SHROOM3: variants seen among roughly 807,000 people sequenced by gnomAD.
The protein encoded by SHROOM3 is shroom family member 3.
In SHROOM3, 47 loss-of-function variants were observed where a neutral mutation model predicts 138.6. The observed-to-expected ratio is 0.34, with a 90% CI of 0.27 to 0.43. The LOEUF is 0.43. Among genes scored for constraint, SHROOM3 ranks in the 20% least tolerant of loss-of-function variants. SHROOM3 has a pLI of 1.00. For synonymous variants in SHROOM3, 1,062 were observed against 1,063.3 expected, an observed-to-expected ratio of 1.00 and a Z score of 0.02; for missense variants, 2,491 against 2,596.5, an observed-to-expected ratio of 0.96 and a Z score of 0.88.
chr4:76,594,523 G>A (rs1285554111), intron 2 of SHROOM3, among the ~76,000 whole-genome samples: 1 of 152,208 alleles, frequency 6.6e-6, no homozygotes, highest in African/African-American at 2.4e-5. Flanking sequence ...ACTTTGAAAA[G>A]TTAAAAAACA....
chr4:76,490,961 G>T (rs1235307039), intron 1 of SHROOM3, among the ~76,000 whole-genome samples: 2 of 152,142 alleles, frequency 1.3e-5, no homozygotes, highest in Non-Finnish European at 2.9e-5. Context: ...TTGGAATAAG[G>T]CTTTGGAATA....
chr4:76,570,184 C>CACACAT (rs1491478294), intron 2 of SHROOM3, among the ~76,000 whole-genome samples: 1 of 151,532 alleles, frequency 6.6e-6, no homozygotes, highest in African/African-American at 2.4e-5. Context: ...CACACACACA[C>CACACAT]GCACACCAGT....
intron 3 of SHROOM3, among the ~76,000 whole-genome samples, chr4:76,728,066 C>T (rs538100819): frequency 1.3e-5 from 2 of 152,132 alleles, no homozygotes; most frequent in South Asian, 2.1e-4. Context: ...CAGCCTCCTA[C>T]TCAGGATGCT....
At chr4:76,682,222 AG>A (rs1719220251) in intron 2 of SHROOM3, among the ~76,000 whole-genome samples, 1 of 152,192 alleles carries the variant, frequency 6.6e-6, no homozygotes, top group Non-Finnish European at 1.5e-5. Context: ...AGAAAGATGA[AG>A]GTTACTGGAA....
intron 2 of SHROOM3, among the ~76,000 whole-genome samples, chr4:76,621,470 G>A (rs1043094550): frequency 6.6e-6 from 1 of 152,192 alleles, no homozygotes; most frequent in African/African-American, 2.4e-5. Flanking sequence ...GCAAACTTGG[G>A]CTATTGAGCC....
intron 4 of SHROOM3, 138 bp downstream of exon 4, chr4:76,731,073 C>A: frequency 1.7e-6 from 2 of 1,179,406 alleles, no homozygotes; most frequent in South Asian, 1.3e-5. Flanking sequence ...CACTGCTTTT[C>A]TCATCCTCTT....
chr4:76,471,562 C>T (rs1331755886), intron 1 of SHROOM3, among the ~76,000 whole-genome samples: 1 of 152,148 alleles, frequency 6.6e-6, no homozygotes, highest in African/African-American at 2.4e-5. Context: ...TTCTTTAAGA[C>T]CACATGCTTT....
chr4:76,438,449 A>C (rs1276021234), intron 1 of SHROOM3, among the ~76,000 whole-genome samples: 8 of 152,202 alleles, frequency 5.3e-5, no homozygotes, highest in Non-Finnish European at 5.9e-5. Flanking sequence ...ATTAAAGGTA[A>C]CTAAAATGAA....
At chr4:76,482,265 C>G (rs1440895463) in intron 1 of SHROOM3, among the ~76,000 whole-genome samples, 4 of 152,182 alleles carry the variant, frequency 2.6e-5, no homozygotes, top group Non-Finnish European at 4.4e-5. Context: ...CCCATCATCT[C>G]AGCCCAAAAT....
chr4:76,750,378 T>C (rs1471800265), intron 6 of SHROOM3, among the ~76,000 whole-genome samples: 1 of 152,110 alleles, frequency 6.6e-6, no homozygotes, highest in Admixed American at 6.5e-5. Flanking sequence ...TGGATGGAGC[T>C]GAAGGCCATT....
At chr4:76,688,469 G>A (rs1719404123) in intron 2 of SHROOM3, 1 of 984,952 alleles carries the variant, frequency 1.0e-6, no homozygotes, top group Non-Finnish European at 1.2e-6. Context: ...CTTAAATATA[G>A]AACCTGGACA....
chr4:76,579,555 G>C (rs1230934360), intron 2 of SHROOM3, among the ~76,000 whole-genome samples: 2 of 152,244 alleles, frequency 1.3e-5, no homozygotes, highest in African/African-American at 4.8e-5. Context: ...AAATCTGGAA[G>C]TTTTGCATAA....
At chr4:76,752,723 AATGCC>A (rs1280341241) in intron 6 of SHROOM3, among the ~76,000 whole-genome samples, 1 of 152,196 alleles carries the variant, frequency 6.6e-6, no homozygotes, top group African/African-American at 2.4e-5. Context: ...TCAAAAAGAA[AATGCC>A]ACTTTAGTAT....
chr4:76,537,318 T>G (rs1222176972), intron 1 of SHROOM3, among the ~76,000 whole-genome samples: 2 of 152,140 alleles, frequency 1.3e-5, no homozygotes, highest in Non-Finnish European at 2.9e-5. Context: ...AGAAGAGGTC[T>G]AGGAGATCCA....
intron 2 of SHROOM3, among the ~76,000 whole-genome samples, chr4:76,690,571 T>A (rs1456060410): frequency 1.3e-5 from 2 of 152,216 alleles, no homozygotes; most frequent in Admixed American, 6.5e-5. Flanking sequence ...TTAGTTGTTT[T>A]AAAGCCTAGT....
chr4:76,744,408 GCTTC>G (rs113318571), intron 5 of SHROOM3, among the ~76,000 whole-genome samples: 80 of 152,304 alleles, frequency 5.3e-4, no homozygotes, highest in African/African-American at 1.9e-3. Flanking sequence ...GCATTCTTGA[GCTTC>G]CTCCCTCTCC....
Position 76,558,841 on chromosome 4 carries a change from C to T in SHROOM3, c.323+3078C>T, listed in dbSNP as rs116515815. ...CAAGTGAAGAGAATAGTTCTGTAGG[C>T]ACCAGTATTTGCTAGGATCCACTCT... On this transcript the variant is annotated intron_variant, in intron 2 of 10. Transcript: ENST00000296043. 6.7e-3 allele frequency among the ~76,000 whole-genome samples: 1,020 copies of T among 152,290 alleles called. 6 individuals carry two copies. The highest frequency in any genetic ancestry group is 0.023 in the African/African-American group (970 of 41,554).
intron 1 of SHROOM3, among the ~76,000 whole-genome samples, chr4:76,519,284 C>T (rs1732513048): frequency 6.6e-6 from 1 of 152,094 alleles, no homozygotes; most frequent in Non-Finnish European, 1.5e-5. Context: ...AGGGAGTAGT[C>T]ATAGAAACTA....
intron 1 of SHROOM3, among the ~76,000 whole-genome samples, chr4:76,504,225 C>G (rs1161769310): frequency 1.3e-5 from 2 of 152,002 alleles, no homozygotes; most frequent in East Asian, 3.9e-4. Context: ...ATGGCACGAT[C>G]TCGGCTCACT....
Sources: allele counts gnomAD v4.1 joint callset (sites outside exome capture counted in the v4.1 genomes callset), GRCh38; gene constraint gnomAD v4.1.1; transcripts MANE v1.5; gene names NCBI Gene and HGNC (gene_info 2026-07-23, HGNC 2026-07-21).